Variants in ARHGAP26 observed in about 807,000 individuals in gnomAD.
The protein encoded by ARHGAP26 is Rho GTPase activating protein 26, also known as rho GTPase-activating protein 26.
ARHGAP26 carries 38 observed loss-of-function variants against 104.8 expected under a neutral mutation model. The ratio of observed to expected loss-of-function variants is 0.36; its 90% CI spans 0.28 to 0.48. The LOEUF (loss-of-function observed/expected upper bound fraction) is 0.48, where lower values mean the gene tolerates loss of function less well. Among genes scored for constraint, ARHGAP26 ranks in the 20% least tolerant of loss-of-function variants. The pLI, the probability that ARHGAP26 is intolerant of heterozygous loss-of-function variation, is 0.99. For missense variants in ARHGAP26, 704 were observed against 947.9 expected (o/e 0.74, Z 3.38); for synonymous variants, 341 against 340.0 (o/e 1.00, Z -0.03).
At chr5:142,920,818 G>A (rs916341776) in intron 10 of ARHGAP26, among the ~76,000 whole-genome samples, 47 of 152,210 alleles carry the variant, frequency 3.1e-4, no homozygotes, top group African/African-American at 1.1e-3. Context: ...TAAACACCAG[G>A]ATGTTGAGTG....
chr5:142,867,302 TGTGTGTGTGTGTGTGTGTG>T (rs1754473486), intron 1 of ARHGAP26, among the ~76,000 whole-genome samples: 1 of 146,042 alleles, frequency 6.8e-6, no homozygotes, highest in Non-Finnish European at 1.5e-5. Context: ...TGTGTGTGTG[TGTGTGTGTGTGTGTGTGTG>T]TGTGTGTTTT....
At position 143,134,087 on chromosome 5, in the gene ARHGAP26, G is replaced by A. The variant is rs182686164; in HGVS notation, c.1819G>A (p.Val607Ile). The change falls in exon 19 of 23, where the codon GTT (valine) becomes ATT (isoleucine). Residue 607 changes from valine to isoleucine, a missense_variant. Coordinates refer to ENST00000645722, the MANE Select transcript of ARHGAP26 (RefSeq NM_001135608.3). ...GAGGCCCCTGACGCTCTTCCACACC[G>A]TTCAGTCAACAGAGAAACGTGAGTC... The part of the protein sequence containing the change: ...SERPLTLFHT[V>I]QSTEKQEQRN... The A allele has an allele frequency of 1.3e-4, 214 of 1,609,576 alleles. No individual in the cohort carries two copies. The Admixed American group carries it at 1.4e-3, about 10-fold the overall frequency.
intron 13 of ARHGAP26, 149 bp from the exon 14 acceptor site, chr5:143,041,667 G>A: frequency 1.6e-6 from 1 of 631,780 alleles, no homozygotes; most frequent in South Asian, 2.0e-5. Context: ...GCTAAGAGCT[G>A]AGCTGAGTGA....
intron 20 of ARHGAP26, among the ~76,000 whole-genome samples, chr5:143,154,630 T>G (rs2151022510): frequency 6.6e-6 from 1 of 152,204 alleles, no homozygotes; most frequent in Non-Finnish European, 1.5e-5. Context: ...AGGCTTTAAG[T>G]GATCAGTGAA....
intron 10 of ARHGAP26, among the ~76,000 whole-genome samples, chr5:142,928,969 C>T (rs973455875): frequency 1.1e-4 from 17 of 152,166 alleles, no homozygotes; most frequent in African/African-American, 3.4e-4. Context: ...GACGGAGTCT[C>T]GCTCTGTCGC....
At chr5:142,845,965 C>CT (rs1027598484) in intron 1 of ARHGAP26, among the ~76,000 whole-genome samples, 6 of 152,140 alleles carry the variant, frequency 3.9e-5, no homozygotes, top group African/African-American at 1.2e-4. Flanking sequence ...ACTCACATGC[C>CT]TTTTTTTCCC....
chr5:142,965,319 C>T (rs1002078488), intron 11 of ARHGAP26, among the ~76,000 whole-genome samples: 25 of 152,208 alleles, frequency 1.6e-4, no homozygotes, highest in African/African-American at 4.6e-4. Flanking sequence ...GCAGAGTCTT[C>T]TCTAAACTCC....
intron 22 of ARHGAP26, among the ~76,000 whole-genome samples, chr5:143,218,473 C>T (rs1810669397): frequency 1.3e-5 from 2 of 152,170 alleles, no homozygotes; most frequent in African/African-American, 2.4e-5. Context: ...GTCTGCACCT[C>T]TTTTAGTTAA....
At chr5:142,926,647 G>A (rs1763947391) in intron 10 of ARHGAP26, among the ~76,000 whole-genome samples, 1 of 152,170 alleles carries the variant, frequency 6.6e-6, no homozygotes, top group Non-Finnish European at 1.5e-5. Flanking sequence ...CAGTGCAGGT[G>A]TGTCCCTTCA....
intron 12 of ARHGAP26, among the ~76,000 whole-genome samples, chr5:143,033,203 A>G (rs1782141906): frequency 6.6e-6 from 1 of 152,220 alleles, no homozygotes; most frequent in African/African-American, 2.4e-5. Flanking sequence ...CATATGTAAG[A>G]CCTTTATGTG....
intron 11 of ARHGAP26, among the ~76,000 whole-genome samples, chr5:143,000,535 G>T (rs577810539): frequency 1.3e-5 from 2 of 152,282 alleles, no homozygotes; most frequent in South Asian, 4.1e-4. Context: ...ATACCAAAAG[G>T]ATTATAAATC....
chr5:142,900,984 G>A (rs901032373), intron 6 of ARHGAP26, among the ~76,000 whole-genome samples: 2 of 152,094 alleles, frequency 1.3e-5, no homozygotes, highest in Admixed American at 6.6e-5. Context: ...AATCTCGTTC[G>A]GGCTTTTATT....
intron 13 of ARHGAP26, among the ~76,000 whole-genome samples, chr5:143,040,437 GC>G (rs2150141870): frequency 6.6e-6 from 1 of 152,194 alleles, no homozygotes; most frequent in South Asian, 2.1e-4. Flanking sequence ...TTTTATACTG[GC>G]CTTGATGGAG....
chr5:143,228,000 TATGAC>T lies in ARHGAP26; in HGVS notation c.*5568_*5572del. 8 of 220,638 alleles carry T rather than the reference TATGAC, an allele frequency of 3.6e-5. No homozygotes were observed. Among genetic ancestry groups the T allele is most frequent in the East Asian group, 6.7e-5 (1 of 14,992 alleles). The allele number at this position is 220,638 out of a possible 1,614,324, so 13.7% of individuals were successfully genotyped here. On this transcript the variant is annotated 3_prime_UTR_variant, in exon 23 of 23. Transcript: ENST00000645722. Reference sequence around the variant, plus strand: ...GCATAGACCTAGACCCTTGTGTGGGTATGACATGACATGACATGTCCATGTCAAAA... The same window carrying T: ...GCATAGACCTAGACCCTTGTGTGGGTATGACATGACATGTCCATGTCAAAA...
At chr5:143,124,800 G>A (rs368988547) in intron 18 of ARHGAP26, among the ~76,000 whole-genome samples, 6 of 152,348 alleles carry the variant, frequency 3.9e-5, no homozygotes, top group East Asian at 1.9e-4. Flanking sequence ...GCACACAGGC[G>A]TGGGAGGATT....
Position 142,948,545 on chromosome 5 carries a change from C to T in ARHGAP26, c.1107+16420C>T, listed in dbSNP as rs929444512. 2.6e-5 allele frequency among the ~76,000 whole-genome samples: 4 copies of T among 151,832 alleles called. 1 individual carries two copies. The highest frequency in any genetic ancestry group is 5.9e-5 in the Non-Finnish European group (4 of 67,994). ...GCCATGTTGTAAAAGCAAGTGTGACCACCAGCATCCCTGTGGCCATGCTGA... is the reference window on the plus strand; with the variant it reads ...GCCATGTTGTAAAAGCAAGTGTGACTACCAGCATCCCTGTGGCCATGCTGA... On this transcript the variant is annotated intron_variant, in intron 11 of 22. Transcript: ENST00000645722.
At chr5:143,026,158 G>C (rs566969572) in intron 12 of ARHGAP26, among the ~76,000 whole-genome samples, 110 of 152,312 alleles carry the variant, frequency 7.2e-4, no homozygotes, top group Non-Finnish European at 6.2e-4. Context: ...AAGGCTCCTG[G>C]AATGTGGAGA....
intron 1 of ARHGAP26, among the ~76,000 whole-genome samples, chr5:142,794,012 T>G (rs1464243963): frequency 1.3e-5 from 2 of 152,236 alleles, no homozygotes; most frequent in Non-Finnish European, 2.9e-5. Flanking sequence ...GAATTTGTTG[T>G]GGTACATCTC....
At chr5:142,772,854 C>T (rs761816538) in intron 1 of ARHGAP26, 12 of 533,318 alleles carry the variant, frequency 2.3e-5, no homozygotes, top group African/African-American at 1.2e-4. Context: ...GAGGAGGGTG[C>T]GTTTGGGTGA....
Sources: gnomAD v4.1 joint callset for allele counts (sites outside exome capture counted in the v4.1 genomes callset) on GRCh38, gnomAD v4.1.1 for gene constraint, MANE v1.5 for transcripts, NCBI Gene and HGNC (gene_info 2026-07-23, HGNC 2026-07-21) for gene names.